NRG3: variants seen among roughly 807,000 people sequenced by gnomAD.
NRG3 encodes neuregulin 3, also known as pro-neuregulin-3, membrane-bound isoform.
A neutral mutation model predicts 66.9 loss-of-function variants in NRG3; 31 were observed. The observed-to-expected ratio is 0.46, with a 90% CI of 0.35 to 0.63. The LOEUF (loss-of-function observed/expected upper bound fraction) is 0.63, where lower values mean the gene tolerates loss of function less well. NRG3 is among the 20% of genes least tolerant of loss of function. The pLI is 0.00. For missense variants in NRG3, 910 were observed against 878.9 expected (o/e 1.04, Z -0.45); for synonymous variants, 393 against 359.4 (o/e 1.09, Z -1.06).
At chr10:82,152,161 A>G (rs2070799777) in intron 1 of NRG3, among the ~76,000 whole-genome samples, 1 of 152,166 alleles carries the variant, frequency 6.6e-6, no homozygotes, top group Non-Finnish European at 1.5e-5. Context: ...ACATATGTAA[A>G]TGAGTGAGTG....
intron 3 of NRG3, among the ~76,000 whole-genome samples, chr10:82,847,831 CAG>C (rs1191617309): frequency 8.5e-5 from 13 of 152,132 alleles, no homozygotes; most frequent in Non-Finnish European, 1.3e-4. Flanking sequence ...TTTAAGCTCA[CAG>C]AATTCGACAA....
intron 2 of NRG3, among the ~76,000 whole-genome samples, chr10:82,682,804 T>C (rs1565198615): frequency 6.6e-6 from 1 of 152,162 alleles, no homozygotes; most frequent in Non-Finnish European, 1.5e-5. Context: ...TCTATACATG[T>C]AATCTATGAT....
chr10:82,471,688 A>G (rs1841280036), intron 2 of NRG3, among the ~76,000 whole-genome samples: 1 of 152,148 alleles, frequency 6.6e-6, no homozygotes, highest in South Asian at 2.1e-4. Flanking sequence ...AGGCAGGCAG[A>G]TCACAAGTTC....
chr10:82,679,757 G>A (rs747660936), intron 2 of NRG3, among the ~76,000 whole-genome samples: 7 of 151,988 alleles, frequency 4.6e-5, no homozygotes, highest in African/African-American at 1.2e-4. Flanking sequence ...AAATAATTAC[G>A]AAGTGGGGAA....
chr10:82,377,095 T>C (rs1307334462), intron 2 of NRG3, among the ~76,000 whole-genome samples: 4 of 152,220 alleles, frequency 2.6e-5, no homozygotes, highest in Non-Finnish European at 5.9e-5. Flanking sequence ...TTGATTGATG[T>C]ATATTTTTTA....
chr10:82,588,241 T>A (rs2046785612), intron 2 of NRG3, among the ~76,000 whole-genome samples: 1 of 152,096 alleles, frequency 6.6e-6, no homozygotes, highest in African/African-American at 2.4e-5. Context: ...TAGGGCCTGG[T>A]GGGAGGTTTT....
At chr10:81,970,444 GT>G (rs1169678798) in intron 1 of NRG3, among the ~76,000 whole-genome samples, 2 of 152,164 alleles carry the variant, frequency 1.3e-5, no homozygotes, top group Non-Finnish European at 2.9e-5. Flanking sequence ...AACTTTAGCA[GT>G]TTTTTAATTG....
chr10:82,771,445 G>A (rs2135175685), intron 3 of NRG3, among the ~76,000 whole-genome samples: 1 of 152,248 alleles, frequency 6.6e-6, no homozygotes, highest in South Asian at 2.1e-4. Context: ...CCATTCTGGT[G>A]TATGGAAAGG....
chr10:82,669,185 G>C lies in NRG3; in HGVS notation c.954-69392G>C, dbSNP rs148908087. Among the ~76,000 whole-genome samples the C allele has an allele frequency of 1.5e-4, 23 of 151,574 alleles. No homozygotes were observed. The East Asian group carries it at 4.5e-3, about 29-fold the overall frequency. On this transcript the variant is annotated intron_variant, in intron 2 of 8. Transcript: ENST00000372141. ...TCCTATAAATATGAAGGAGCAGTTAGGGAGTTTCAGTAATAAGCAAAAATG... is the reference window on the plus strand; with the variant it reads ...TCCTATAAATATGAAGGAGCAGTTACGGAGTTTCAGTAATAAGCAAAAATG...
At chr10:82,259,453 A>T (rs868371951) in intron 1 of NRG3, among the ~76,000 whole-genome samples, 6 of 152,198 alleles carry the variant, frequency 3.9e-5, no homozygotes, top group African/African-American at 1.4e-4. Context: ...CAGGATGTTT[A>T]TGAAAATTCC....
At chr10:82,872,711 AG>A (rs1335481212) in intron 4 of NRG3, among the ~76,000 whole-genome samples, 1 of 151,706 alleles carries the variant, frequency 6.6e-6, no homozygotes, top group Non-Finnish European at 1.5e-5. Flanking sequence ...CTCTAAAAAA[AG>A]TTTAGGCAAG....
At chr10:82,339,140 G>GCA (rs1332419177) in intron 1 of NRG3, among the ~76,000 whole-genome samples, 1 of 152,174 alleles carries the variant, frequency 6.6e-6, no homozygotes, top group Non-Finnish European at 1.5e-5. Context: ...AGACCTGGAT[G>GCA]TTTTCAAAAT....
At chr10:82,632,417 T>C (rs2049905802) in intron 2 of NRG3, among the ~76,000 whole-genome samples, 1 of 152,178 alleles carries the variant, frequency 6.6e-6, no homozygotes, top group Non-Finnish European at 1.5e-5. Context: ...TTACCTGGAG[T>C]GCTTCTTTTT....
At chr10:82,307,431 T>A (rs1225702352) in intron 1 of NRG3, among the ~76,000 whole-genome samples, 1 of 152,206 alleles carries the variant, frequency 6.6e-6, no homozygotes, top group Non-Finnish European at 1.5e-5. Context: ...TCATATTTTT[T>A]TCATTGTGTA....
intron 2 of NRG3, among the ~76,000 whole-genome samples, chr10:82,666,484 C>T (rs2052793464): frequency 6.6e-6 from 1 of 152,078 alleles, no homozygotes. Flanking sequence ...AATCCTCAGC[C>T]TTCCCTCTGA....
At chr10:82,618,989 A>C (rs541964235) in intron 2 of NRG3, among the ~76,000 whole-genome samples, 2 of 151,892 alleles carry the variant, frequency 1.3e-5, no homozygotes, top group African/African-American at 4.8e-5. Flanking sequence ...AGGTGTAATC[A>C]TGTATACTTA....
intron 2 of NRG3, among the ~76,000 whole-genome samples, chr10:82,500,568 C>A (rs1844077288): frequency 6.6e-6 from 1 of 152,212 alleles, no homozygotes; most frequent in African/African-American, 2.4e-5. Flanking sequence ...GCAGCTAGAT[C>A]ATTCTAACTT....
chr10:82,019,598 A>G (rs1235355832), intron 1 of NRG3, among the ~76,000 whole-genome samples: 1 of 152,150 alleles, frequency 6.6e-6, no homozygotes, highest in Non-Finnish European at 1.5e-5. Flanking sequence ...GCTATTAATT[A>G]TTGCCTCAAT....
chr10:82,017,105 C>A (rs192851064), intron 1 of NRG3, among the ~76,000 whole-genome samples: 2 of 152,210 alleles, frequency 1.3e-5, no homozygotes, highest in Non-Finnish European at 2.9e-5. Flanking sequence ...CCACAACAGG[C>A]CCCGGTGTGT....
Sources: gnomAD v4.1 joint callset for allele counts (sites outside exome capture counted in the v4.1 genomes callset) on GRCh38, gnomAD v4.1.1 for gene constraint, MANE v1.5 for transcripts, NCBI Gene and HGNC (gene_info 2026-07-23, HGNC 2026-07-21) for gene names.